CUL7: variants seen among roughly 807,000 people sequenced by gnomAD.
CUL7 encodes the protein cullin-7.
Under a neutral mutation model 177.7 loss-of-function variants are expected in CUL7, and 96 were observed. The observed-to-expected ratio is 0.54, with a 90% confidence interval of 0.46 to 0.64. CUL7 has a LOEUF of 0.64. CUL7 is among the 30% of genes least tolerant of loss of function. CUL7 has a pLI of 0.00. For synonymous variants in CUL7, 824 were observed against 890.2 expected (o/e 0.93, Z 1.32); for missense variants, 1,893 against 2,187.9 (o/e 0.87, Z 2.69).
rs1373198486 is a variant in CUL7, at chr6:43,051,415, C to A, written c.786G>T (p.Ser262=). 1.9e-6 allele frequency: 3 copies of A among 1,614,014 alleles called. No individual in the cohort carries two copies. The highest frequency in any genetic ancestry group is 2.5e-6 in the Non-Finnish European group (3 of 1,180,020). The change falls in exon 4 of 26, where the codon TCG becomes TCT. Residue 262 remains serine, a synonymous_variant. Transcript: ENST00000265348. The surrounding 1 kb of genome is among the most constrained non-coding windows in gnomAD (Gnocchi z 5.0). ...CACTGTCGTTCAGCTGATCCAGGAG[C>A]GAGGTGACATGCAAATACCGCTTCA... ...SLVKRYLHVT[S]LLDQLNDSAA...
In CUL7 at chr6:43,050,429, G is replaced by A. The variant is rs1277561694; in HGVS notation, c.1234-31C>T. ...GCATAGGGAAAGAAAGAGGGAAGGG[G>A]AAGGGAGGACTCACAAATGACTGGC... On this transcript the variant is annotated intron_variant, in intron 4 of 25. Coordinates refer to ENST00000265348, the MANE Select transcript of CUL7 (RefSeq NM_014780.5). The surrounding 1 kb of genome is among the most constrained non-coding windows in gnomAD (Gnocchi z 4.1). The A allele has an allele frequency of 6.2e-7, 1 of 1,613,482 alleles. No individual in the cohort carries two copies. The highest frequency in any genetic ancestry group is 1.3e-5 in the African/African-American group (1 of 74,936).
intron 16 of CUL7, among the ~76,000 whole-genome samples, chr6:43,044,128 G>T (rs906731961): frequency 1.3e-5 from 2 of 152,068 alleles, no homozygotes; most frequent in Non-Finnish European, 2.9e-5. Flanking sequence ...TTCGAGACCA[G>T]CCTGACCAAC....
Position 43,040,705 on chromosome 6 carries a change from C to G in CUL7, c.3848G>C (p.Trp1283Ser). 1 of 1,614,170 alleles carries G rather than the reference C, an allele frequency of 6.2e-7. No individual in the cohort carries two copies. Among genetic ancestry groups the G allele is most frequent in the Non-Finnish European group, 8.5e-7 (1 of 1,180,054 alleles). The change falls in exon 21 of 26, where the codon TGG becomes TCG. Residue 1283 changes from tryptophan to serine, a missense_variant. This residue lies in a region of CUL7 where 973 missense variants were observed against 1,140.9 expected (regional missense o/e 0.85). Transcript: ENST00000265348. This position sits in a 1 kb window ranked among gnomAD's most constrained non-coding sequence, Gnocchi z 4.2. ...ADRLLGVVSS[W>S]LEGAVLEQIG... ...CTGCTCCAGCACGGCCCCCTCCAGC[C>G]AGCTCGAGACCACGCCCAGGAGACG...
intron 22 of CUL7, among the ~76,000 whole-genome samples, chr6:43,039,735 C>CTTTTTTTTTT (rs763879172): frequency 1.1e-5 from 1 of 94,906 alleles, no homozygotes. Context: ...AAGACCAACT[C>CTTTTTTTTTT]TTTTTTTTTT....
chr6:43,043,170 G>T lies in CUL7; in HGVS notation c.3366C>A (p.Asn1122Lys). The change falls in exon 18 of 26, where the codon AAC (asparagine) becomes AAA (lysine). Residue 1122 changes from asparagine to lysine, a missense_variant. Physicochemically the swap from Asn to Lys is moderately conservative, Grantham distance 94. Coordinates refer to ENST00000265348, the MANE Select transcript of CUL7 (RefSeq NM_014780.5). The surrounding 1 kb of genome is among the most constrained non-coding windows in gnomAD (Gnocchi z 4.2). ...VVATPRPKGR[N>K]RSHDWSSLAT... ...CCAAGGAGCTCCAGTCGTGGCTTCT[G>T]TTTCTGCCTTCTGTAGAGACCAAGA... The T allele has an allele frequency of 6.2e-7, 1 of 1,613,730 alleles. No homozygotes were observed. The highest frequency in any genetic ancestry group is 1.7e-4 in the Middle Eastern group (1 of 6,052).
rs761774476 is a variant in CUL7 at position 43,040,710 on chromosome 6, C to T, written c.3843G>A (p.Ser1281=). ...YMADRLLGVV[S]SWLEGAVLEQ... is the part of the protein sequence containing the mutation. ...CCAGCACGGCCCCCTCCAGCCAGCTCGAGACCACGCCCAGGAGACGGTCCG... is the reference window on the plus strand; with the variant it reads ...CCAGCACGGCCCCCTCCAGCCAGCTTGAGACCACGCCCAGGAGACGGTCCG... The change falls in exon 21 of 26, where the codon TCG becomes TCA. Residue 1281 remains serine, a synonymous_variant. Transcript: ENST00000265348. The surrounding 1 kb of genome is among the most constrained non-coding windows in gnomAD (Gnocchi z 4.2). 10 of 1,614,026 alleles carry T rather than the reference C, an allele frequency of 6.2e-6. No individual in the cohort carries two copies. The highest frequency in any genetic ancestry group is 3.3e-5 in the South Asian group (3 of 91,080).
At chr6:43,044,497 C>CAA (rs35607536) in intron 16 of CUL7, among the ~76,000 whole-genome samples, 1 of 133,424 alleles carries the variant, frequency 7.5e-6, no homozygotes, top group Non-Finnish European at 1.7e-5. Context: ...AAATCTGTCT[C>CAA]AAAAAAAAAA....
At chr6:43,046,703 C>A (rs1763943628) in intron 10 of CUL7, 102 bp from the exon 11 acceptor site, 2 of 1,533,692 alleles carry the variant, frequency 1.3e-6, no homozygotes, top group Non-Finnish European at 1.8e-6. Flanking sequence ...AGTGGGACTT[C>A]CTCTACAGCA....
chr6:43,051,289 G>C lies in CUL7; in HGVS notation c.912C>G (p.Ile304Met), dbSNP rs1327842754. 1.2e-6 allele frequency: 2 copies of C among 1,610,480 alleles called. No homozygotes were observed. Among genetic ancestry groups the C allele is most frequent in the Non-Finnish European group, 8.5e-7 (1 of 1,177,326 alleles). ...LEFSMAMGTL[I>M]SELVQAMRWD... ...AGCGCATGGCTTGCACCAGCTCCGA[G>C]ATCAGGGTGCCCATGGCCATACTGA... The change falls in exon 4 of 26, where the codon ATC becomes ATG. Residue 304 changes from isoleucine (I) to methionine (M), a missense_variant. Ile to Met is a conservative substitution (Grantham distance 10, BLOSUM62 1). This residue lies in a region of CUL7 where 653 missense variants were observed against 725.2 expected (regional missense o/e 0.90). Coordinates refer to ENST00000265348, the MANE Select transcript of CUL7 (RefSeq NM_014780.5). This position sits in a 1 kb window ranked among gnomAD's most constrained non-coding sequence, Gnocchi z 5.0.
intron 22 of CUL7, among the ~76,000 whole-genome samples, chr6:43,039,948 A>T (rs772447062): frequency 4.6e-5 from 7 of 152,008 alleles, no homozygotes; most frequent in Non-Finnish European, 8.8e-5. Context: ...CATGTTGGCC[A>T]AGGCTGGTCT....
chr6:43,039,679 A>C (rs796463692), intron 22 of CUL7, among the ~76,000 whole-genome samples: 22 of 150,848 alleles, frequency 1.5e-4, no homozygotes, highest in African/African-American at 5.1e-4. Context: ...CCTAAAGACT[A>C]TCTCTCCCTG....
rs1245096738 is a variant in CUL7, at chr6:43,048,430, G to C, written c.1965C>G (p.Leu655=). The C allele has an allele frequency of 5.6e-6, 9 of 1,613,946 alleles. No homozygotes were observed. The highest frequency in any genetic ancestry group is 1.1e-5 in the South Asian group (1 of 91,076). ...GCGGCTGCCGCTGCAGCTGCAGCAG[G>C]AGTGGCTTGACCTTGTTCTCCTGGG... is the stretch of plus-strand genomic sequence containing the variant. The part of the protein sequence containing the change: ...EGTQENKVKP[L]LLQLQRQPQP... The change falls in exon 8 of 26, where the codon CTC becomes CTG. Residue 655 remains leucine, a synonymous_variant. Coordinates refer to ENST00000265348, the MANE Select transcript of CUL7 (RefSeq NM_014780.5).
chr6:43,052,321 T>A lies in CUL7; in HGVS notation c.468A>T (p.Val156=). 1.2e-6 allele frequency: 2 copies of A among 1,614,238 alleles called. No individual in the cohort carries two copies. Among genetic ancestry groups the A allele is most frequent in the Non-Finnish European group, 1.7e-6 (2 of 1,180,030 alleles). The part of the protein sequence containing the change: ...AYASIEPLTG[V]FKDPRVLDLL... ...AGTCCAGGACCCTTGGGTCCTTGAA[T>A]ACTCCAGTGAGGGGCTCAATGCTGG... The change falls in exon 2 of 26, where the codon GTA becomes GTT. Residue 156 remains valine (V), a synonymous_variant. Coordinates refer to ENST00000265348, the MANE Select transcript of CUL7 (RefSeq NM_014780.5). The surrounding 1 kb of genome is among the most constrained non-coding windows in gnomAD (Gnocchi z 4.5).
chr6:43,048,620 G>T, intron 7 of CUL7, 51 bp from the exon 8 acceptor site: 1 of 1,228,908 alleles, frequency 8.1e-7, no homozygotes, highest in Non-Finnish European at 1.2e-6. Flanking sequence ...TAATGTGAAG[G>T]CTCAGAAATA....
In CUL7 at chr6:43,045,091, G is replaced by T; in HGVS notation, c.3038+136C>A. On this transcript the variant is annotated intron_variant, in intron 15 of 25. Coordinates refer to ENST00000265348, the MANE Select transcript of CUL7 (RefSeq NM_014780.5). This position sits in a 1 kb window ranked among gnomAD's most constrained non-coding sequence, Gnocchi z 4.8. ...CTTTATCCTTTCTTCCCCTCCCACAGCTCAGAAAACTCCAGCCCCCTCCCC... is the reference window on the plus strand; with the variant it reads ...CTTTATCCTTTCTTCCCCTCCCACATCTCAGAAAACTCCAGCCCCCTCCCC... 7.4e-7 allele frequency: 1 copy of T among 1,356,818 alleles called. No individual in the cohort carries two copies. The highest frequency in any genetic ancestry group is 1.0e-6 in the Non-Finnish European group (1 of 980,408). The allele number at this position is 1,356,818 out of a possible 1,614,324, so 84.0% of individuals were successfully genotyped here.
Position 43,052,466 on chromosome 6 carries a change from T to C in CUL7, c.323A>G (p.Glu108Gly), listed in dbSNP as rs568635372. The C allele has an allele frequency of 2.5e-6, 4 of 1,614,166 alleles. No individual in the cohort carries two copies. In the South Asian group the frequency reaches 4.4e-5, roughly 18 times the overall value. ...GGACTTCACGTCGGTTTCCATCTCC[T>C]CCAGCACAGATTTGTCCAGGGCCCC... ...EVGALDKSVL[E>G]EMETDVKSLI... The change falls in exon 2 of 26, where the codon GAG becomes GGG. Residue 108 changes from glutamate (E) to glycine (G), a missense_variant. Physicochemically the swap from Glu to Gly is moderately conservative, Grantham distance 98 (BLOSUM62 -2). Transcript: ENST00000265348. The surrounding 1 kb of genome is among the most constrained non-coding windows in gnomAD (Gnocchi z 4.5).
In CUL7 at chr6:43,040,720, C is replaced by T. The variant is rs1763339219; in HGVS notation, c.3833G>A (p.Gly1278Asp). The change falls in exon 21 of 26, where the codon GGC (glycine) becomes GAC (aspartate). Residue 1278 changes from glycine (G) to aspartate (D), a missense_variant. Gly to Asp is a moderately conservative substitution (Grantham distance 94, BLOSUM62 -1). Around this residue, in one of 5 missense-constraint regions of CUL7, gnomAD observed 973 missense variants for 1,140.9 expected, o/e 0.85. Coordinates refer to ENST00000265348, the MANE Select transcript of CUL7 (RefSeq NM_014780.5). The surrounding 1 kb of genome is among the most constrained non-coding windows in gnomAD (Gnocchi z 4.2). The stretch of plus-strand genomic sequence containing the variant: ...CCCCTCCAGCCAGCTCGAGACCACG[C>T]CCAGGAGACGGTCCGCCATGTAGTG... The part of the protein sequence containing the change: ...YQHYMADRLL[G>D]VVSSWLEGAV... The T allele has an allele frequency of 6.2e-7, 1 of 1,614,152 alleles. No individual in the cohort carries two copies. The highest frequency in any genetic ancestry group is 8.5e-7 in the Non-Finnish European group (1 of 1,180,038).
rs920582838 is a variant in CUL7 at position 43,050,777 on chromosome 6, A to G, written c.1233+191T>C. On this transcript the variant is annotated intron_variant, in intron 4 of 25. Transcript: ENST00000265348. The surrounding 1 kb of genome is among the most constrained non-coding windows in gnomAD (Gnocchi z 4.1). ...CAGGTGTGAGTCTTCTTGACTTCAC[A>G]GCCTCCTAAACCCAGATTTTCCCAG... is the stretch of plus-strand genomic sequence containing the variant. 2.0e-5 allele frequency among the ~76,000 whole-genome samples: 3 copies of G among 152,004 alleles called. No homozygotes were observed. Among genetic ancestry groups the G allele is most frequent in the Admixed American group, 1.3e-4 (2 of 15,246 alleles).
At chr6:43,047,842 A>G (rs1024569142) in intron 9 of CUL7, 3 of 404,416 alleles carry the variant, frequency 7.4e-6, no homozygotes, top group African/African-American at 6.0e-5. Context: ...ATAAGGGAAC[A>G]CGGGAAAGAT....
Sources: allele counts gnomAD v4.1 joint callset (sites outside exome capture counted in the v4.1 genomes callset), GRCh38; gene constraint gnomAD v4.1.1; regional missense constraint gnomAD v4.1.1; non-coding constraint Gnocchi (gnomAD v3.1); transcripts MANE v1.5; gene names NCBI Gene and HGNC (gene_info 2026-07-23, HGNC 2026-07-21).